Variants in ROBO1 observed in about 807,000 individuals in gnomAD.
ROBO1 encodes roundabout guidance receptor 1.
A neutral mutation model predicts 195.9 loss-of-function variants in ROBO1; 149 were observed. The ratio of observed to expected loss-of-function variants is 0.76; its 90% CI spans 0.67 to 0.87. The LOEUF (loss-of-function observed/expected upper bound fraction) is 0.87. Ranked by LOEUF, ROBO1 falls within the 40% of genes least tolerant of loss-of-function variation. The pLI is 0.00. For missense variants in ROBO1, 1,933 were observed against 2,068.3 expected, an observed-to-expected ratio of 0.93 and a Z score of 1.27; for synonymous variants, 816 against 733.2, an observed-to-expected ratio of 1.11 and a Z score of -1.82.
intron 1 of ROBO1, among the ~76,000 whole-genome samples, chr3:79,724,907 C>A (rs1401858459): frequency 6.6e-6 from 1 of 152,176 alleles, no homozygotes; most frequent in Non-Finnish European, 1.5e-5. Flanking sequence ...TTCCTACAGT[C>A]CTGCACTGAA....
chr3:79,068,384 T>C (rs529876859), intron 3 of ROBO1, among the ~76,000 whole-genome samples: 1 of 151,930 alleles, frequency 6.6e-6, no homozygotes, highest in African/African-American at 2.4e-5. Context: ...GTTAGGTTAC[T>C]GTTTTTCAAA....
chr3:79,166,910 G>A (rs931169004), intron 2 of ROBO1, among the ~76,000 whole-genome samples: 7 of 152,200 alleles, frequency 4.6e-5, no homozygotes, highest in Admixed American at 2.0e-4. Flanking sequence ...ACAGTTTTAT[G>A]GATAGAGGAA....
intron 4 of ROBO1, among the ~76,000 whole-genome samples, chr3:78,821,541 T>G (rs2030947823): frequency 6.6e-6 from 1 of 152,136 alleles, no homozygotes; most frequent in South Asian, 2.1e-4. Context: ...CCTTAGCGAT[T>G]CATTTTTCCC....
chr3:79,452,886 T>A (rs1259901548), intron 2 of ROBO1, among the ~76,000 whole-genome samples: 1 of 152,052 alleles, frequency 6.6e-6, no homozygotes, highest in African/African-American at 2.4e-5. Context: ...GAGTTGATAA[T>A]GTGCATTTGT....
chr3:79,620,084 T>G lies in ROBO1; in HGVS notation c.-50-30123A>C, dbSNP rs115447210. 3.1e-3 allele frequency among the ~76,000 whole-genome samples: 472 copies of G among 152,318 alleles called. 2 individuals are homozygous for G. The highest frequency in any genetic ancestry group is 0.011 in the African/African-American group (460 of 41,582). On this transcript the variant is annotated intron_variant, in intron 1 of 30. Transcript: ENST00000464233. ...TACAGGAACTCCTCCCTCAAGATCT[T>G]GCTTCAAGTGCCAGAAATCTGGCCA...
At chr3:78,849,222 C>A (rs1256950073) in intron 4 of ROBO1, among the ~76,000 whole-genome samples, 1 of 152,068 alleles carries the variant, frequency 6.6e-6, no homozygotes, top group Non-Finnish European at 1.5e-5. Context: ...TTCCGTGGAG[C>A]AATGCTTTGA....
intron 10 of ROBO1, among the ~76,000 whole-genome samples, chr3:78,676,761 A>C (rs1275285207): frequency 6.6e-6 from 1 of 152,238 alleles, no homozygotes; most frequent in East Asian, 1.9e-4. Context: ...GCAGGATATT[A>C]TCCAGGAGAA....
At chr3:79,505,867 A>G (rs986962198) in intron 2 of ROBO1, among the ~76,000 whole-genome samples, 3 of 152,222 alleles carry the variant, frequency 2.0e-5, no homozygotes, top group African/African-American at 7.2e-5. Flanking sequence ...TAGGTGAGGT[A>G]TGCTTTGAAT....
At chr3:78,711,448 C>T (rs767967863) in intron 8 of ROBO1, among the ~76,000 whole-genome samples, 9,237 of 77,144 alleles carry the variant, frequency 0.12, 1,223 homozygotes, top group African/African-American at 0.2. Flanking sequence ...TCTTTCCTTC[C>T]TTCCTTCCTT....
chr3:79,744,657 C>A (rs1184496694), intron 1 of ROBO1, among the ~76,000 whole-genome samples: 1 of 152,106 alleles, frequency 6.6e-6, no homozygotes, highest in Non-Finnish European at 1.5e-5. Flanking sequence ...AGCACTTATT[C>A]TTTAAGCCAC....
chr3:79,499,961 T>C (rs936384920), intron 2 of ROBO1, among the ~76,000 whole-genome samples: 2 of 150,922 alleles, frequency 1.3e-5, no homozygotes, highest in Non-Finnish European at 3.0e-5. Context: ...CGTGTGCCAG[T>C]ATGCCCGGGT....
chr3:78,836,512 C>CAAAAAAAAAAA (rs370559968), intron 4 of ROBO1, among the ~76,000 whole-genome samples: 1 of 122,392 alleles, frequency 8.2e-6, no homozygotes. Context: ...ACTCTGTCTC[C>CAAAAAAAAAAA]AAAAAAAAAA....
intron 3 of ROBO1, among the ~76,000 whole-genome samples, chr3:78,939,378 GC>G (rs1254220140): frequency 6.6e-6 from 1 of 151,956 alleles, no homozygotes; most frequent in Non-Finnish European, 1.5e-5. Context: ...ACTTTGGGGG[GC>G]CGAGGCGGGC....
At chr3:78,765,963 A>T (rs1255593210) in intron 4 of ROBO1, among the ~76,000 whole-genome samples, 1 of 152,216 alleles carries the variant, frequency 6.6e-6, no homozygotes, top group Non-Finnish European at 1.5e-5. Flanking sequence ...GTGAAATAAT[A>T]AAAACAGAAC....
intron 2 of ROBO1, among the ~76,000 whole-genome samples, chr3:79,198,154 G>A (rs2081679399): frequency 6.6e-6 from 1 of 151,774 alleles, no homozygotes. Flanking sequence ...TTTCTTCTAG[G>A]GTTTTTATGG....
At chr3:79,390,196 T>C (rs1293837154) in intron 2 of ROBO1, among the ~76,000 whole-genome samples, 1 of 152,050 alleles carries the variant, frequency 6.6e-6, no homozygotes, top group African/African-American at 2.4e-5. Flanking sequence ...GAAGGAGCAG[T>C]GGGAAAATAA....
At chr3:79,122,855 A>G (rs1201435426) in intron 3 of ROBO1, among the ~76,000 whole-genome samples, 2 of 151,928 alleles carry the variant, frequency 1.3e-5, no homozygotes, top group Admixed American at 1.3e-4. Context: ...ATACAGGTTT[A>G]TTTTCTTTTT....
intron 2 of ROBO1, among the ~76,000 whole-genome samples, chr3:79,387,620 C>T (rs2036799966): frequency 6.6e-6 from 1 of 151,698 alleles, no homozygotes; most frequent in Non-Finnish European, 1.5e-5. Context: ...ATATCTATTA[C>T]CATACCCTTC....
intron 4 of ROBO1, among the ~76,000 whole-genome samples, chr3:78,801,827 G>T (rs2084380939): frequency 6.6e-6 from 1 of 152,108 alleles, no homozygotes; most frequent in Admixed American, 6.5e-5. Flanking sequence ...AAAACATTTT[G>T]TGGGACATTT....
Sources: gnomAD v4.1 joint callset for allele counts (sites outside exome capture counted in the v4.1 genomes callset) on GRCh38, gnomAD v4.1.1 for gene constraint, MANE v1.5 for transcripts, NCBI Gene and HGNC (gene_info 2026-07-23, HGNC 2026-07-21) for gene names.